The following PCDHA7 variants were observed in gnomAD, a reference collection of about 807,000 sequenced individuals.
PCDHA7 encodes protocadherin alpha-7.
In PCDHA7, 37 loss-of-function variants were observed where a neutral mutation model predicts 57.2. The observed-to-expected ratio is 0.65, with a 90% CI of 0.50 to 0.85. The LOEUF is 0.85. PCDHA7 is among the 40% of genes least tolerant of loss of function. PCDHA7 has a pLI of 0.00. For missense variants in PCDHA7, 1,188 were observed against 1,241.8 expected (o/e 0.96, Z 0.65); for synonymous variants, 553 against 558.8 (o/e 0.99, Z 0.15).
At chr5:140,893,768 CT>C (rs1171880038) in intron 1 of PCDHA7, among the ~76,000 whole-genome samples, 1 of 152,132 alleles carries the variant, frequency 6.6e-6, no homozygotes, top group Non-Finnish European at 1.5e-5. Flanking sequence ...TGACTTGTCA[CT>C]TTTCTTTTAC....
chr5:140,857,603 C>T lies in PCDHA7; in HGVS notation c.2355+20865C>T, dbSNP rs547758195. The T allele has an allele frequency of 1.4e-5, 22 of 1,596,384 alleles. 1 individual carries two copies. The highest frequency in any genetic ancestry group is 1.3e-4 in the South Asian group (12 of 90,484). On this transcript the variant is annotated intron_variant, in intron 1 of 3. Transcript: ENST00000525929. ...CGCGGAGAGCGGCAAGGTGTACGCG[C>T]TGCAGCCGCTGGACCACGAGGAGCT...
chr5:140,862,637 TCA>T (rs1396343286), intron 1 of PCDHA7: 1 of 539,612 alleles, frequency 1.9e-6, no homozygotes, highest in Admixed American at 1.9e-5. Flanking sequence ...TGCCACGACT[TCA>T]CAGTGTCCGC....
At chr5:140,898,211 A>G (rs1554187859) in intron 1 of PCDHA7, among the ~76,000 whole-genome samples, 2 of 152,100 alleles carry the variant, frequency 1.3e-5, no homozygotes, top group African/African-American at 4.8e-5. Context: ...CCATTTGTCA[A>G]TTTTGGCTTT....
chr5:140,838,002 T>A (rs183534156), intron 1 of PCDHA7, among the ~76,000 whole-genome samples: 97 of 151,706 alleles, frequency 6.4e-4, no homozygotes, highest in South Asian at 2.7e-3. Context: ...TCCTTTTTTT[T>A]AAAAAAAGAA....
In PCDHA7 at chr5:140,835,667, G is replaced by A. The variant is rs2150241297; in HGVS notation, c.1284G>A (p.Arg428=). The A allele has an allele frequency of 1.2e-6, 2 of 1,613,924 alleles. No homozygotes were observed. The highest frequency in any genetic ancestry group is 8.5e-7 in the Non-Finnish European group (1 of 1,179,886). Residue 428 remains arginine, a synonymous_variant, in exon 1 of 4, where the codon CGG becomes CGA. Coordinates refer to ENST00000525929, the MANE Select transcript of PCDHA7 (RefSeq NM_018910.3). ...CCTATGAGCTGGTGGTTACCGCGCG[G>A]GACGGGGGCTCGCCTTCTCTGTGGG... ...VSAYELVVTA[R]DGGSPSLWAT...
intron 1 of PCDHA7, among the ~76,000 whole-genome samples, chr5:140,941,202 C>T (rs246071): frequency 0.094 from 11,551 of 122,542 alleles, 708 homozygotes; most frequent in Admixed American, 0.12. Context: ...TTTCTTTCTT[C>T]CTTTCTTTCT....
chr5:140,883,552 G>A, intron 1 of PCDHA7: 2 of 1,614,234 alleles, frequency 1.2e-6, no homozygotes, highest in South Asian at 1.1e-5. Flanking sequence ...TGACCGCGCG[G>A]GACGGGGGCT....
intron 1 of PCDHA7, chr5:140,968,442 T>G (rs1245424149): frequency 3.1e-6 from 5 of 1,613,950 alleles, no homozygotes; most frequent in Non-Finnish European, 4.2e-6. Context: ...AGCCCACCAC[T>G]GAGCAGCACT....
At chr5:140,956,885 T>C (rs1156888418) in intron 1 of PCDHA7, among the ~76,000 whole-genome samples, 1 of 152,194 alleles carries the variant, frequency 6.6e-6, no homozygotes, top group Non-Finnish European at 1.5e-5. Context: ...TAGATATCAA[T>C]GAATGAATAT....
At chr5:140,867,461 T>C (rs1197194209) in intron 1 of PCDHA7, 1 of 152,126 alleles carries the variant, frequency 6.6e-6, no homozygotes, top group African/African-American at 2.4e-5. Context: ...TCTAGTGTTA[T>C]GACAACATTG....
At chr5:140,849,620 C>T in intron 1 of PCDHA7, 2 of 1,598,618 alleles carry the variant, frequency 1.3e-6, no homozygotes, top group Non-Finnish European at 1.7e-6. Flanking sequence ...TTAGTGTGAT[C>T]GACCTAGACG....
rs1554144802 is a variant in PCDHA7, at chr5:140,850,697, T to G, written c.2355+13959T>G. ...TGCCCACCGAGGGCGAGTGCGCGCC[T>G]GGCAAGCCGACGCTGGTGTGTTCTA... On this transcript the variant is annotated intron_variant, in intron 1 of 3. Transcript: ENST00000525929. 18 of 1,596,928 alleles carry G rather than the reference T, an allele frequency of 1.1e-5. 1 individual carries two copies. The highest frequency in any genetic ancestry group is 3.4e-5 in the Admixed American group (2 of 59,142).
At chr5:140,898,676 G>C (rs1478380529) in intron 1 of PCDHA7, among the ~76,000 whole-genome samples, 3 of 152,036 alleles carry the variant, frequency 2.0e-5, no homozygotes, top group African/African-American at 4.8e-5. Context: ...GTTGCGGGCT[G>C]TTTTTTGGTT....
chr5:140,856,580 G>A lies in PCDHA7; in HGVS notation c.2355+19842G>A, dbSNP rs537848812. 23 of 1,597,760 alleles carry A rather than the reference G, an allele frequency of 1.4e-5. 2 individuals carry two copies. In the South Asian group the frequency reaches 2.5e-4, roughly 18 times the overall value. On this transcript the variant is annotated intron_variant, in intron 1 of 3. Coordinates refer to ENST00000525929, the MANE Select transcript of PCDHA7 (RefSeq NM_018910.3). ...CAAACTCAGTCCAAATGAGTATTTT[G>A]TTCTTGATATTATAAACAAAAAAGA...
At chr5:140,850,013 C>G in intron 1 of PCDHA7, 1 of 1,597,018 alleles carries the variant, frequency 6.3e-7, no homozygotes, top group Non-Finnish European at 8.6e-7. Flanking sequence ...CGCTGTCGAG[C>G]TACGTGTCAG....
At position 140,850,183 on chromosome 5, in the gene PCDHA7, C is replaced by A. The variant is rs2150471701; in HGVS notation, c.2355+13445C>A. The A allele has an allele frequency of 1.8e-5, 29 of 1,593,776 alleles. 2 individuals carry two copies. In the South Asian group the frequency reaches 3.1e-4, roughly 17 times the overall value. On this transcript the variant is annotated intron_variant, in intron 1 of 3. Coordinates refer to ENST00000525929, the MANE Select transcript of PCDHA7 (RefSeq NM_018910.3). The stretch of plus-strand genomic sequence containing the variant: ...GTGCTGGACGAGAACGACAATGCGC[C>A]GGCGCTGCTGACACCTCGGATGAGG...
At position 140,969,285 on chromosome 5, in the gene PCDHA7, C is replaced by T. The variant is rs782734189; in HGVS notation, c.2356-9664C>T. The stretch of plus-strand genomic sequence containing the variant: ...CTCACAGGCCAAAGTGGTCAGAATG[C>T]TGGGAACCTGATTATTCTCAAAAAT... On this transcript the variant is annotated intron_variant, in intron 1 of 3. Coordinates refer to ENST00000525929, the MANE Select transcript of PCDHA7 (RefSeq NM_018910.3). 51 of 1,614,062 alleles carry T rather than the reference C, an allele frequency of 3.2e-5. No individual in the cohort carries two copies. The highest frequency in any genetic ancestry group is 4.3e-5 in the Non-Finnish European group (51 of 1,180,038).
chr5:140,861,449 C>A (rs1448075777), intron 1 of PCDHA7: 11 of 493,904 alleles, frequency 2.2e-5, no homozygotes, highest in Admixed American at 1.0e-4. Flanking sequence ...GCCGCAGAAA[C>A]CTTCTGGAGG....
intron 1 of PCDHA7, chr5:140,968,057 C>T (rs781959040): frequency 1.5e-5 from 24 of 1,613,992 alleles, no homozygotes; most frequent in East Asian, 6.7e-5. Context: ...GGACCGAGAG[C>T]GGGTGGCTGT....
Sources: allele counts gnomAD v4.1 joint callset (sites outside exome capture counted in the v4.1 genomes callset), GRCh38; gene constraint gnomAD v4.1.1; transcripts MANE v1.5; gene names NCBI Gene and HGNC (gene_info 2026-07-23, HGNC 2026-07-21).